Variants in ROBO1 observed in about 807,000 individuals in gnomAD.
The protein encoded by ROBO1 is roundabout homolog 1.
Under a neutral mutation model 195.9 loss-of-function variants are expected in ROBO1, and 149 were observed. That is an observed-to-expected ratio of 0.76 (90% confidence interval 0.67 to 0.87). ROBO1 has a LOEUF of 0.87. Among genes scored for constraint, ROBO1 ranks in the 40% least tolerant of loss-of-function variants. The pLI is 0.00. For missense variants in ROBO1, 1,933 were observed against 2,068.3 expected, an observed-to-expected ratio of 0.93 and a Z score of 1.27; for synonymous variants, 816 against 733.2, an observed-to-expected ratio of 1.11 and a Z score of -1.82.
At chr3:79,504,889 G>A (rs1940305664) in intron 2 of ROBO1, among the ~76,000 whole-genome samples, 1 of 151,964 alleles carries the variant, frequency 6.6e-6, no homozygotes, top group South Asian at 2.1e-4. Context: ...GTATGTATGC[G>A]GAGATACTTA....
chr3:79,653,264 T>C (rs1349494097), intron 1 of ROBO1, among the ~76,000 whole-genome samples: 1 of 151,784 alleles, frequency 6.6e-6, no homozygotes, highest in Admixed American at 6.6e-5. Context: ...TAATGACAAA[T>C]AATTTTTAAT....
intron 1 of ROBO1, among the ~76,000 whole-genome samples, chr3:79,616,656 C>G (rs1944830113): frequency 6.6e-6 from 1 of 152,040 alleles, no homozygotes; most frequent in Non-Finnish European, 1.5e-5. Flanking sequence ...TTCCAGTGGG[C>G]AGGAGGCACG....
chr3:79,014,630 C>T (rs887080453), intron 3 of ROBO1, among the ~76,000 whole-genome samples: 8 of 152,140 alleles, frequency 5.3e-5, no homozygotes, highest in Admixed American at 1.3e-4. Context: ...TACACTTCTC[C>T]AGACTTCTGC....
chr3:78,994,307 T>C (rs2077308575), intron 3 of ROBO1, among the ~76,000 whole-genome samples: 1 of 152,100 alleles, frequency 6.6e-6, no homozygotes, highest in Non-Finnish European at 1.5e-5. Context: ...AAGTATTTAC[T>C]GAGATAAATG....
intron 2 of ROBO1, among the ~76,000 whole-genome samples, chr3:79,583,828 C>A (rs1161914302): frequency 2.6e-5 from 4 of 151,830 alleles, no homozygotes; most frequent in Non-Finnish European, 5.9e-5. Flanking sequence ...GTGCACATAG[C>A]TGGTCATCAT....
rs183971410 is a variant in ROBO1 at position 79,108,032 on chromosome 3, T to C, written c.172+17424A>G. ...GTTAATACCAGTAATACACCATAGG[T>C]CTTTTATTTCATGATCTGTTTAAGC... is the stretch of plus-strand genomic sequence containing the variant. On this transcript the variant is annotated intron_variant, in intron 3 of 30. Coordinates refer to ENST00000464233, the MANE Select transcript of ROBO1 (RefSeq NM_002941.4). Among the ~76,000 whole-genome samples the C allele has an allele frequency of 4.2e-3, 632 of 151,856 alleles. 9 individuals are homozygous for C. Among genetic ancestry groups the C allele is most frequent in the African/African-American group, 0.014 (599 of 41,528 alleles).
intron 3 of ROBO1, among the ~76,000 whole-genome samples, chr3:78,959,299 T>C (rs1478996505): frequency 1.3e-5 from 2 of 151,636 alleles, no homozygotes; most frequent in African/African-American, 4.8e-5. Context: ...AAGAAAGAGA[T>C]TGTCACATTA....
chr3:79,637,960 T>C (rs1428266598), intron 1 of ROBO1, among the ~76,000 whole-genome samples: 3 of 152,188 alleles, frequency 2.0e-5, no homozygotes, highest in Admixed American at 6.6e-5. Flanking sequence ...GAATGTTGAG[T>C]ATTCTCTAAA....
At chr3:78,910,670 C>A (rs1040992904) in intron 4 of ROBO1, among the ~76,000 whole-genome samples, 1 of 151,932 alleles carries the variant, frequency 6.6e-6, no homozygotes, top group African/African-American at 2.4e-5. Context: ...ATAAATGACC[C>A]TCTCAAGTCA....
intron 1 of ROBO1, among the ~76,000 whole-genome samples, chr3:79,737,869 T>C (rs1158534835): frequency 6.6e-6 from 1 of 152,190 alleles, no homozygotes; most frequent in Non-Finnish European, 1.5e-5. Flanking sequence ...TCTAAGAATC[T>C]TCATCTTTCT....
At chr3:79,396,425 C>T (rs997103537) in intron 2 of ROBO1, among the ~76,000 whole-genome samples, 1 of 151,702 alleles carries the variant, frequency 6.6e-6, no homozygotes, top group Non-Finnish European at 1.5e-5. Flanking sequence ...GGACTGTATG[C>T]TAACAATTCT....
intron 4 of ROBO1, among the ~76,000 whole-genome samples, chr3:78,761,421 T>C (rs2083102087): frequency 6.6e-6 from 1 of 152,186 alleles, no homozygotes; most frequent in South Asian, 2.1e-4. Flanking sequence ...CAAAAAACAG[T>C]TGCAACTTCT....
chr3:79,673,283 A>C (rs1946683456), intron 1 of ROBO1, among the ~76,000 whole-genome samples: 1 of 151,942 alleles, frequency 6.6e-6, no homozygotes, highest in Non-Finnish European at 1.5e-5. Context: ...ATTCATCAAG[A>C]ATTCTCTTGA....
intron 2 of ROBO1, among the ~76,000 whole-genome samples, chr3:79,311,104 T>C (rs892142350): frequency 6.6e-6 from 1 of 152,200 alleles, no homozygotes; most frequent in Non-Finnish European, 1.5e-5. Context: ...GACAGCATTT[T>C]GATAATGGTT....
intron 4 of ROBO1, among the ~76,000 whole-genome samples, chr3:78,917,586 T>C (rs1446233686): frequency 6.6e-6 from 1 of 152,128 alleles, no homozygotes; most frequent in African/African-American, 2.4e-5. Context: ...AATCTGAAAT[T>C]CCATCATGAA....
intron 2 of ROBO1, among the ~76,000 whole-genome samples, chr3:79,520,666 A>G (rs937133551): frequency 6.6e-6 from 1 of 152,190 alleles, no homozygotes; most frequent in African/African-American, 2.4e-5. Flanking sequence ...TTAGGAATGC[A>G]AACTATAACA....
At chr3:79,532,764 G>A (rs1941710578) in intron 2 of ROBO1, among the ~76,000 whole-genome samples, 1 of 152,156 alleles carries the variant, frequency 6.6e-6, no homozygotes, top group Non-Finnish European at 1.5e-5. Context: ...CAGAGATAGA[G>A]CGAGGGAAGC....
chr3:79,215,404 T>A (rs545629714), intron 2 of ROBO1, among the ~76,000 whole-genome samples: 1 of 152,118 alleles, frequency 6.6e-6, no homozygotes, highest in East Asian at 1.9e-4. Context: ...GCAGACAGCA[T>A]AAACTAATCG....
At chr3:79,537,476 T>C (rs1941916764) in intron 2 of ROBO1, among the ~76,000 whole-genome samples, 1 of 152,124 alleles carries the variant, frequency 6.6e-6, no homozygotes, top group African/African-American at 2.4e-5. Context: ...AAACTTTTAC[T>C]CCCCATTGGC....
Sources: gnomAD v4.1 joint callset for allele counts (sites outside exome capture counted in the v4.1 genomes callset) on GRCh38, gnomAD v4.1.1 for gene constraint, MANE v1.5 for transcripts, NCBI Gene and HGNC (gene_info 2026-07-23, HGNC 2026-07-21) for gene names.